The following IFT88 variants were observed in gnomAD, a reference collection of about 807,000 sequenced individuals.
IFT88 encodes the protein intraflagellar transport protein 88 homolog.
In IFT88, 74 loss-of-function variants were observed where a neutral mutation model predicts 119.5. That is an observed-to-expected ratio of 0.62 (90% CI 0.51 to 0.75). IFT88 has a LOEUF of 0.75. Among genes scored for constraint, IFT88 ranks in the 30% least tolerant of loss-of-function variants. The pLI is 0.00. For missense variants in IFT88, 961 were observed against 977.7 expected (o/e 0.98, Z 0.23); for synonymous variants, 279 against 316.7 (o/e 0.88, Z 1.26).
intron 13 of IFT88, among the ~76,000 whole-genome samples, chr13:20,610,052 C>G (rs2044211819): frequency 6.6e-6 from 1 of 151,458 alleles, no homozygotes; most frequent in Non-Finnish European, 1.5e-5. Context: ...TCCCAGTGAG[C>G]AAGATGCTTC....
chr13:20,597,927 A>C (rs1194871626), intron 9 of IFT88, among the ~76,000 whole-genome samples: 1 of 152,016 alleles, frequency 6.6e-6, no homozygotes, highest in Non-Finnish European at 1.5e-5. Context: ...TTAGGCATAT[A>C]AAATAATGTT....
At chr13:20,636,059 A>G (rs968981652) in intron 16 of IFT88, among the ~76,000 whole-genome samples, 2 of 152,160 alleles carry the variant, frequency 1.3e-5, no homozygotes, top group Non-Finnish European at 2.9e-5. Context: ...CAACTCCCCT[A>G]AAAACTTGGA....
chr13:20,589,806 C>G lies in IFT88; in HGVS notation c.154-5C>G, dbSNP rs765621767. On this transcript the variant is annotated splice_region_variant and splice_polypyrimidine_tract_variant and intron_variant, in intron 3 of 25. Coordinates refer to ENST00000351808, the MANE Select transcript of IFT88 (RefSeq NM_006531.5). ...CTGTTAACTATGTTCTTTTTCCTCCCCAAGATAACTGCTAAAATATCAAGC... is the reference window on the plus strand; with the variant it reads ...CTGTTAACTATGTTCTTTTTCCTCCGCAAGATAACTGCTAAAATATCAAGC... 6 of 1,590,684 alleles carry G rather than the reference C, an allele frequency of 3.8e-6. No homozygotes were observed. In the South Asian group the frequency reaches 6.8e-5, roughly 18 times the overall value.
At chr13:20,589,687 AATC>A (rs1566095450) in intron 3 of IFT88, 121 bp from the exon 4 acceptor site, 1 of 421,244 alleles carries the variant, frequency 2.4e-6, no homozygotes, top group Non-Finnish European at 4.2e-6. Context: ...ATTTAAAAGA[AATC>A]ATTCTAAGTA....
chr13:20,643,711 T>C (rs1446908957), intron 19 of IFT88, 106 bp downstream of exon 19: 1 of 768,602 alleles, frequency 1.3e-6, no homozygotes. Flanking sequence ...AGTTTTAAAA[T>C]GATTTATTTA....
rs555095175 is a variant in IFT88 at position 20,608,342 on chromosome 13, G to A, written c.1112+3237G>A. Reference sequence around the variant, plus strand: ...AGGATGCGTTGCCTGCAGCACAGACGGCTGTGGGCTCTGGGCAAACCTAAA... The same window carrying A: ...AGGATGCGTTGCCTGCAGCACAGACAGCTGTGGGCTCTGGGCAAACCTAAA... On this transcript the variant is annotated intron_variant, in intron 13 of 25. Transcript: ENST00000351808. Among the ~76,000 whole-genome samples, 11 of 152,322 alleles carry A rather than the reference G, an allele frequency of 7.2e-5. No homozygotes were observed. In the East Asian group the frequency reaches 7.7e-4, roughly 11 times the overall value.
At chr13:20,575,823 C>G (rs2037271091) in intron 2 of IFT88, among the ~76,000 whole-genome samples, 1 of 152,208 alleles carries the variant, frequency 6.6e-6, no homozygotes, top group Non-Finnish European at 1.5e-5. Context: ...TTGGCGCCAA[C>G]CTAATAGCAA....
In IFT88 at chr13:20,644,826, C is replaced by G; in HGVS notation, c.1834-17C>G. The G allele has an allele frequency of 3.8e-6, 4 of 1,066,404 alleles. No individual in the cohort carries two copies. Among genetic ancestry groups the G allele is most frequent in the South Asian group, 2.8e-5 (2 of 72,494 alleles). 66.1% of individuals were successfully genotyped at this position (1,066,404 alleles called of 1,614,324 possible). On this transcript the variant is annotated splice_polypyrimidine_tract_variant and intron_variant, in intron 19 of 25. Transcript: ENST00000351808. ...GCCATTGAAGTTGTATTGTTACATT[C>G]CATATTTGTTTTACAGTCATATAGG...
chr13:20,569,406 T>C (rs1002297730), intron 1 of IFT88, among the ~76,000 whole-genome samples: 1 of 150,926 alleles, frequency 6.6e-6, no homozygotes, highest in Non-Finnish European at 1.5e-5. Context: ...ACCCCGTCTC[T>C]ACTAAAAATA....
intron 14 of IFT88, 122 bp from the exon 15 acceptor site, chr13:20,625,628 C>T: frequency 5.1e-6 from 3 of 583,922 alleles, no homozygotes; most frequent in South Asian, 2.4e-5. Flanking sequence ...AAATCGAGTG[C>T]TTACCTTTAC....
At chr13:20,593,412 G>A (rs1197099341) in intron 7 of IFT88, among the ~76,000 whole-genome samples, 1 of 151,920 alleles carries the variant, frequency 6.6e-6, no homozygotes, top group Non-Finnish European at 1.5e-5. Flanking sequence ...ACAAGGCTTA[G>A]ATTCAAACCC....
chr13:20,690,889 G>T (rs2058406394), intron 25 of IFT88, 74 bp downstream of exon 25: 7 of 1,386,952 alleles, frequency 5.0e-6, no homozygotes, highest in Admixed American at 3.6e-5. Flanking sequence ...AAAAGGTGTT[G>T]CTGGGAATTC....
rs1362713356 is a variant in IFT88 at position 20,609,047 on chromosome 13, T to C, written c.1112+3942T>C. Among the ~76,000 whole-genome samples the C allele has an allele frequency of 4.6e-5, 7 of 152,300 alleles. No individual in the cohort carries two copies. The East Asian group carries it at 9.6e-4, about 21-fold the overall frequency. On this transcript the variant is annotated intron_variant, in intron 13 of 25. Transcript: ENST00000351808. ...AGGTTGTTTGGTAGGGAGATCTTGA[T>C]TTTCTGAGGATGTTGCATTTTTCTA...
At chr13:20,685,189 G>A (rs1458048520) in intron 24 of IFT88, among the ~76,000 whole-genome samples, 2 of 152,192 alleles carry the variant, frequency 1.3e-5, no homozygotes, top group Non-Finnish European at 2.9e-5. Flanking sequence ...GCAAAAACAC[G>A]TTGTTAAGAC....
At chr13:20,649,408 T>C (rs2051243284) in intron 20 of IFT88, among the ~76,000 whole-genome samples, 1 of 152,136 alleles carries the variant, frequency 6.6e-6, no homozygotes, top group African/African-American at 2.4e-5. Context: ...AACTAGTGGA[T>C]CAAATATGAA....
chr13:20,569,080 T>C (rs536457675), intron 1 of IFT88, among the ~76,000 whole-genome samples: 121 of 152,220 alleles, frequency 7.9e-4, no homozygotes, highest in Admixed American at 1.4e-3. Context: ...ACATTTGCCC[T>C]CATAGTAGTT....
At chr13:20,684,898 GGGCA>G (rs2057730758) in intron 24 of IFT88, among the ~76,000 whole-genome samples, 1 of 152,210 alleles carries the variant, frequency 6.6e-6, no homozygotes, top group Non-Finnish European at 1.5e-5. Context: ...CCCCCATGTT[GGGCA>G]CCGCTTGCCG....
At chr13:20,620,199 T>G (rs899007441) in intron 14 of IFT88, among the ~76,000 whole-genome samples, 1 of 151,704 alleles carries the variant, frequency 6.6e-6, no homozygotes, top group African/African-American at 2.4e-5. Context: ...AGGTCAAGAT[T>G]TTTTTTTTCT....
intron 20 of IFT88, among the ~76,000 whole-genome samples, chr13:20,646,575 C>T (rs1032385903): frequency 1.3e-5 from 2 of 152,074 alleles, no homozygotes; most frequent in African/African-American, 2.4e-5. Context: ...GCCTCAGCCT[C>T]CCAAAGTGCT....
Sources: allele counts gnomAD v4.1 joint callset (sites outside exome capture counted in the v4.1 genomes callset), GRCh38; gene constraint gnomAD v4.1.1; transcripts MANE v1.5; gene names NCBI Gene and HGNC (gene_info 2026-07-23, HGNC 2026-07-21).